TMTC4: variants seen among roughly 807,000 people sequenced by gnomAD.
The protein encoded by TMTC4 is protein O-mannosyl-transferase TMTC4.
Under a neutral mutation model 86.0 loss-of-function variants are expected in TMTC4, and 65 were observed. The observed-to-expected ratio is 0.76, with a 90% CI of 0.62 to 0.93. The LOEUF (loss-of-function observed/expected upper bound fraction) is 0.93. Among genes scored for constraint, TMTC4 ranks in the 40% least tolerant of loss-of-function variants. The probability of loss-of-function intolerance (pLI) is 0.00; values close to 1 mark genes in which losing one functional copy is unlikely to be tolerated. For missense variants in TMTC4, 866 were observed against 948.1 expected, an observed-to-expected ratio of 0.91 and a Z score of 1.14; for synonymous variants, 379 against 382.5, an observed-to-expected ratio of 0.99 and a Z score of 0.11.
At chr13:100,663,453 A>C (rs763056008) in intron 4 of TMTC4, among the ~76,000 whole-genome samples, 6 of 152,192 alleles carry the variant, frequency 3.9e-5, no homozygotes, top group Non-Finnish European at 8.8e-5. Context: ...GGAAAATCGA[A>C]AGGAAAGCTA....
At chr13:100,612,697 C>T (rs1043484238) in intron 16 of TMTC4, among the ~76,000 whole-genome samples, 187 bp from the exon 17 acceptor site, 10 of 148,098 alleles carry the variant, frequency 6.8e-5, no homozygotes, top group Non-Finnish European at 6.0e-5. Flanking sequence ...ACACACACGA[C>T]GTTATCAGTG....
chr13:100,610,034 G>A (rs566464993), intron 17 of TMTC4, among the ~76,000 whole-genome samples: 5 of 152,318 alleles, frequency 3.3e-5, no homozygotes, highest in Non-Finnish European at 5.9e-5. Flanking sequence ...TGGGTGCTTC[G>A]TAACTGCCCG....
intron 3 of TMTC4, 133 bp downstream of exon 3, chr13:100,668,446 A>C: frequency 2.3e-6 from 2 of 883,598 alleles, no homozygotes; most frequent in Non-Finnish European, 3.4e-6. Flanking sequence ...AAGAGAGAAA[A>C]ATCGAGAGCA....
intron 12 of TMTC4, among the ~76,000 whole-genome samples, chr13:100,627,181 G>C (rs1406954528): frequency 6.6e-6 from 1 of 152,148 alleles, no homozygotes; most frequent in Non-Finnish European, 1.5e-5. Flanking sequence ...GGTGTGGCTG[G>C]AGCACAGAGA....
At position 100,605,749 on chromosome 13, in the gene TMTC4, C is replaced by T. The variant is rs781327276; in HGVS notation, c.2135-607G>A. 5.3e-5 allele frequency among the ~76,000 whole-genome samples: 8 copies of T among 152,086 alleles called. No homozygotes were observed. Among genetic ancestry groups the T allele is most frequent in the Non-Finnish European group, 8.8e-5 (6 of 68,010 alleles). On this transcript the variant is annotated intron_variant, in intron 18 of 18. Transcript: ENST00000342624. The surrounding 1 kb of genome is among the most constrained non-coding windows in gnomAD (Gnocchi z 4.3). ...AAGAGCATCTGTGGACGCTTTTTGGCTTTTGTGAAGAGAAGCTTCAGAGTT... is the reference window on the plus strand; with the variant it reads ...AAGAGCATCTGTGGACGCTTTTTGGTTTTTGTGAAGAGAAGCTTCAGAGTT...
intron 12 of TMTC4, among the ~76,000 whole-genome samples, chr13:100,632,053 ACTCTCTCTCTCTCTCTCT>A (rs67759381): frequency 1.4e-4 from 6 of 43,110 alleles, no homozygotes; most frequent in African/African-American, 4.2e-4. Flanking sequence ...ACACACACAC[ACTCTCTCTCTCTCTCTCT>A]CTCTCTCTCT....
intron 15 of TMTC4, 83 bp from the exon 16 acceptor site, chr13:100,614,513 G>C: frequency 1.1e-6 from 1 of 877,928 alleles, no homozygotes; most frequent in Non-Finnish European, 1.7e-6. Flanking sequence ...AAAAAAAAAA[G>C]AAAGAAAAAG....
intron 6 of TMTC4, among the ~76,000 whole-genome samples, chr13:100,646,374 C>T (rs537827883): frequency 2.0e-4 from 30 of 152,144 alleles, no homozygotes; most frequent in Admixed American, 3.9e-4. Context: ...TTTGTGCTCC[C>T]GACAAATCAT....
chr13:100,639,938 C>A (rs914839847), intron 7 of TMTC4, among the ~76,000 whole-genome samples: 2 of 150,020 alleles, frequency 1.3e-5, no homozygotes, highest in African/African-American at 4.9e-5. Context: ...GAAACCGTCT[C>A]GAATAAAAAT....
intron 12 of TMTC4, among the ~76,000 whole-genome samples, chr13:100,628,955 C>A (rs897319564): frequency 6.6e-6 from 1 of 152,082 alleles, no homozygotes; most frequent in Non-Finnish European, 1.5e-5. Context: ...TCGAGACCAG[C>A]GTGTCCAACA....
At chr13:100,642,569 A>G (rs1398691050) in intron 6 of TMTC4, among the ~76,000 whole-genome samples, 2 of 152,060 alleles carry the variant, frequency 1.3e-5, no homozygotes, top group African/African-American at 2.4e-5. Context: ...CTGGCCACAA[A>G]GACGTCTCAT....
intron 2 of TMTC4, 160 bp downstream of exon 2, chr13:100,670,200 G>A (rs1886913064): frequency 1.5e-6 from 1 of 660,606 alleles, no homozygotes; most frequent in East Asian, 3.3e-5. Context: ...GATTGGGAAG[G>A]CAGTTTGGAT....
At chr13:100,630,889 A>G (rs1207309711) in intron 12 of TMTC4, among the ~76,000 whole-genome samples, 2 of 152,204 alleles carry the variant, frequency 1.3e-5, no homozygotes, top group Non-Finnish European at 2.9e-5. Context: ...TAAAAATCTG[A>G]TACAGCCTTA....
chr13:100,614,312 G>C lies in TMTC4; in HGVS notation c.1951+4C>G, dbSNP rs1220984467. On this transcript the variant is annotated splice_donor_region_variant and intron_variant, in intron 16 of 18. Coordinates refer to ENST00000342624, the MANE Select transcript of TMTC4 (RefSeq NM_032813.5). The stretch of plus-strand genomic sequence containing the variant: ...TGTGATTTGTTCCATCCAGCTTTCT[G>C]TACCTGTATTGTCGAGGAGTATAAT... 1 of 1,608,756 alleles carries C rather than the reference G, an allele frequency of 6.2e-7. No individual in the cohort carries two copies. The highest frequency in any genetic ancestry group is 1.1e-5 in the South Asian group (1 of 90,712).
At chr13:100,636,170 G>A (rs941011734) in intron 10 of TMTC4, among the ~76,000 whole-genome samples, 1 of 152,170 alleles carries the variant, frequency 6.6e-6, no homozygotes, top group Non-Finnish European at 1.5e-5. Context: ...GTTCACCAGG[G>A]TGTTTTGAGG....
intron 6 of TMTC4, among the ~76,000 whole-genome samples, chr13:100,642,573 G>A (rs1039138853): frequency 2.0e-5 from 3 of 152,058 alleles, no homozygotes; most frequent in Non-Finnish European, 2.9e-5. Flanking sequence ...CCACAAAGAC[G>A]TCTCATGCCA....
chr13:100,645,639 C>T (rs1047602591), intron 6 of TMTC4, among the ~76,000 whole-genome samples: 4 of 152,068 alleles, frequency 2.6e-5, no homozygotes, highest in African/African-American at 4.8e-5. Flanking sequence ...CCCTGACTGC[C>T]GCTGTGAGGT....
At chr13:100,662,007 G>C (rs982193632) in intron 5 of TMTC4, among the ~76,000 whole-genome samples, 7 of 152,074 alleles carry the variant, frequency 4.6e-5, no homozygotes, top group Non-Finnish European at 1.0e-4. Flanking sequence ...TGGTGGTGCA[G>C]GGGGCGGTTC....
chr13:100,674,857 CCCCCCCGCGCCGCGCCTCCCGCAG>C (rs1887665110), upstream of TMTC4: 28 of 972,226 alleles, frequency 2.9e-5, no homozygotes, highest in Non-Finnish European at 3.3e-5. Context: ...CGCACCCGAC[CCCCCCCGCGCCGCGCCTCCCGCAG>C]CTCCCCACGC....
Sources: allele counts gnomAD v4.1 joint callset (sites outside exome capture counted in the v4.1 genomes callset), GRCh38; gene constraint gnomAD v4.1.1; non-coding constraint Gnocchi (gnomAD v3.1); transcripts MANE v1.5; gene names NCBI Gene and HGNC (gene_info 2026-07-23, HGNC 2026-07-21).